The following FBXL7 variants were observed in gnomAD, a reference collection of about 807,000 sequenced individuals.
FBXL7 encodes F-box/LRR-repeat protein 7.
FBXL7 carries 12 observed loss-of-function variants against 38.3 expected under a neutral mutation model. The observed-to-expected ratio is 0.31, with a 90% CI of 0.20 to 0.51. The LOEUF (loss-of-function observed/expected upper bound fraction) is 0.51, where lower values mean the gene tolerates loss of function less well. Ranked by LOEUF, FBXL7 falls within the 20% of genes least tolerant of loss-of-function variation. The pLI is 0.98. For synonymous variants in FBXL7, 297 were observed against 300.9 expected (o/e 0.99, Z 0.13); for missense variants, 567 against 676.4 (o/e 0.84, Z 1.79).
Position 15,726,674 on chromosome 5 carries a change from G to C in FBXL7, c.127+110602G>C, listed in dbSNP as rs182903553. On this transcript the variant is annotated intron_variant, in intron 2 of 3. Coordinates refer to ENST00000504595, the MANE Select transcript of FBXL7 (RefSeq NM_012304.5). The stretch of plus-strand genomic sequence containing the variant: ...CCACTACACTCCAGCCTGGGTGACA[G>C]AGCAAGACTCCATCTCAAAATAAAT... Among the ~76,000 whole-genome samples, 6 of 143,646 alleles carry C rather than the reference G, an allele frequency of 4.2e-5. No homozygotes were observed. The East Asian group carries it at 1.2e-3, about 29-fold the overall frequency. 94.2% of individuals were successfully genotyped at this position (143,646 alleles called of 152,430 possible).
chr5:15,861,170 A>G (rs1739457612), intron 2 of FBXL7, among the ~76,000 whole-genome samples: 1 of 152,204 alleles, frequency 6.6e-6, no homozygotes, highest in Non-Finnish European at 1.5e-5. Flanking sequence ...AAAACTTGAA[A>G]CAGGAGTGCC....
At chr5:15,903,252 A>G (rs1173008385) in intron 2 of FBXL7, among the ~76,000 whole-genome samples, 1 of 152,084 alleles carries the variant, frequency 6.6e-6, no homozygotes, top group Non-Finnish European at 1.5e-5. Flanking sequence ...TGACAAATAA[A>G]TCCTGCCTAC....
At chr5:15,898,318 G>T (rs957474924) in intron 2 of FBXL7, among the ~76,000 whole-genome samples, 2 of 152,114 alleles carry the variant, frequency 1.3e-5, no homozygotes, top group African/African-American at 4.8e-5. Flanking sequence ...TCAAAATTCT[G>T]TTAATTTACT....
intron 1 of FBXL7, among the ~76,000 whole-genome samples, chr5:15,531,449 C>T (rs1737429042): frequency 6.6e-6 from 1 of 152,104 alleles, no homozygotes; most frequent in African/African-American, 2.4e-5. Context: ...TGAAAGACAA[C>T]TCTAAAATTT....
intron 2 of FBXL7, among the ~76,000 whole-genome samples, chr5:15,700,528 G>T (rs1743490145): frequency 6.6e-6 from 1 of 152,172 alleles, no homozygotes; most frequent in African/African-American, 2.4e-5. Flanking sequence ...GGTCATGCTG[G>T]AGGAAAGAAT....
chr5:15,558,017 T>C (rs1253211497), intron 1 of FBXL7, among the ~76,000 whole-genome samples: 2 of 152,150 alleles, frequency 1.3e-5, no homozygotes, highest in South Asian at 2.1e-4. Flanking sequence ...AGGAAAGTTA[T>C]TGGTTTACGG....
chr5:15,695,920 G>A (rs1743318679), intron 2 of FBXL7, among the ~76,000 whole-genome samples: 2 of 152,184 alleles, frequency 1.3e-5, no homozygotes, highest in Non-Finnish European at 2.9e-5. Flanking sequence ...TCTCTGTTCT[G>A]TGAAATACCA....
At chr5:15,670,871 C>G (rs1030984155) in intron 2 of FBXL7, among the ~76,000 whole-genome samples, 3 of 152,162 alleles carry the variant, frequency 2.0e-5, no homozygotes, top group African/African-American at 7.2e-5. Context: ...CAGTTCCCCT[C>G]TTTACACACT....
rs572073196 is a variant in FBXL7, at chr5:15,823,193, A to G, written c.128-104697A>G. On this transcript the variant is annotated intron_variant, in intron 2 of 3. Coordinates refer to ENST00000504595, the MANE Select transcript of FBXL7 (RefSeq NM_012304.5). ...TAAATGTGAGTGTCTTTGTGGGTGT[A>G]TGTGCTTATTTGTGAATGAGTAGAC... Among the ~76,000 whole-genome samples, 8 of 152,296 alleles carry G rather than the reference A, an allele frequency of 5.3e-5. No individual in the cohort carries two copies. The East Asian group carries it at 7.7e-4, about 15-fold the overall frequency.
chr5:15,554,641 T>G (rs1738179073), intron 1 of FBXL7, among the ~76,000 whole-genome samples: 2 of 152,184 alleles, frequency 1.3e-5, no homozygotes, highest in Non-Finnish European at 2.9e-5. Context: ...AGGGAGAGCC[T>G]CAGGCCCCAC....
intron 2 of FBXL7, among the ~76,000 whole-genome samples, chr5:15,927,090 G>A (rs970288155): frequency 1.7e-4 from 26 of 152,050 alleles, no homozygotes; most frequent in African/African-American, 5.8e-4. Flanking sequence ...ATGTAGACTG[G>A]AAGTTGTCAA....
At chr5:15,587,237 G>T (rs902599896) in intron 1 of FBXL7, among the ~76,000 whole-genome samples, 2 of 152,148 alleles carry the variant, frequency 1.3e-5, no homozygotes, top group Non-Finnish European at 2.9e-5. Flanking sequence ...GAATGCACCT[G>T]GCTGATGCTA....
chr5:15,739,058 C>T (rs1735828748), intron 2 of FBXL7, among the ~76,000 whole-genome samples: 1 of 152,210 alleles, frequency 6.6e-6, no homozygotes, highest in Non-Finnish European at 1.5e-5. Flanking sequence ...GCGAAGTGAT[C>T]ATTATGTAAC....
At chr5:15,722,938 A>AC (rs55880310) in intron 2 of FBXL7, among the ~76,000 whole-genome samples, 5 of 150,954 alleles carry the variant, frequency 3.3e-5, no homozygotes, top group East Asian at 1.9e-4. Flanking sequence ...AACAAAAAAA[A>AC]AAAGAGAGAA....
At chr5:15,817,789 T>A (rs1738058645) in intron 2 of FBXL7, among the ~76,000 whole-genome samples, 1 of 152,136 alleles carries the variant, frequency 6.6e-6, no homozygotes, top group Non-Finnish European at 1.5e-5. Flanking sequence ...GAACTGCGAG[T>A]CCACTAAACC....
chr5:15,776,241 A>G (rs17704509), intron 2 of FBXL7, among the ~76,000 whole-genome samples: 2,063 of 152,258 alleles, frequency 0.014, 142 homozygotes, highest in Admixed American at 0.11. Flanking sequence ...CAGATTAGCA[A>G]GAATTAGCAA....
chr5:15,823,496 T>G (rs893809921), intron 2 of FBXL7, among the ~76,000 whole-genome samples: 9 of 152,210 alleles, frequency 5.9e-5, no homozygotes, highest in African/African-American at 1.9e-4. Flanking sequence ...TGCTGTAGAT[T>G]TGTAGACTCT....
At chr5:15,650,062 G>T (rs149211919) in intron 2 of FBXL7, among the ~76,000 whole-genome samples, 8 of 152,114 alleles carry the variant, frequency 5.3e-5, no homozygotes, top group Non-Finnish European at 1.0e-4. Flanking sequence ...CACTGCCTTC[G>T]GGCTCATCTT....
chr5:15,509,068 C>G (rs1243091363), intron 1 of FBXL7, among the ~76,000 whole-genome samples: 1 of 152,102 alleles, frequency 6.6e-6, no homozygotes, highest in South Asian at 2.1e-4. Flanking sequence ...CTTTTCACTT[C>G]GAGATGACTT....
Sources: allele counts gnomAD v4.1 joint callset (sites outside exome capture counted in the v4.1 genomes callset), GRCh38; gene constraint gnomAD v4.1.1; transcripts MANE v1.5; gene names NCBI Gene and HGNC (gene_info 2026-07-23, HGNC 2026-07-21).